GASK1B: variants seen among roughly 807,000 people sequenced by gnomAD.
GASK1B encodes golgi associated kinase 1B.
A neutral mutation model predicts 42.8 loss-of-function variants in GASK1B; 34 were observed. That is an observed-to-expected ratio of 0.79 (90% CI 0.60 to 1.06). GASK1B has a LOEUF of 1.06. Ranked by LOEUF, GASK1B falls within the 50% of genes least tolerant of loss-of-function variation. GASK1B has a pLI of 0.00. For synonymous variants in GASK1B, 262 were observed against 259.1 expected, an observed-to-expected ratio of 1.01 and a Z score of -0.11; for missense variants, 686 against 661.0, an observed-to-expected ratio of 1.04 and a Z score of -0.42.
intron 2 of GASK1B, chr4:158,170,109 T>C: frequency 1.2e-6 from 1 of 865,222 alleles, no homozygotes; most frequent in Non-Finnish European, 1.8e-6. Context: ...TATGCCTGAC[T>C]GTCAGCAAGT....
intron 3 of GASK1B, among the ~76,000 whole-genome samples, chr4:158,142,956 T>A (rs1731192345): frequency 6.6e-6 from 1 of 152,060 alleles, no homozygotes; most frequent in African/African-American, 2.4e-5. Context: ...CACCAACCAA[T>A]CACAAAGTGT....
At chr4:158,134,370 T>C (rs554026208) in intron 3 of GASK1B, among the ~76,000 whole-genome samples, 23 of 152,336 alleles carry the variant, frequency 1.5e-4, no homozygotes, top group African/African-American at 5.3e-4. Context: ...ACTGCATGAT[T>C]AAGCACTGTA....
chr4:158,167,374 T>A (rs1036023799), intron 2 of GASK1B, among the ~76,000 whole-genome samples: 1 of 152,166 alleles, frequency 6.6e-6, no homozygotes, highest in Non-Finnish European at 1.5e-5. Flanking sequence ...AACCTTTCAT[T>A]TGCATTGTAA....
chr4:158,157,643 G>T (rs1314802242), intron 2 of GASK1B, among the ~76,000 whole-genome samples: 1 of 152,020 alleles, frequency 6.6e-6, no homozygotes, highest in Admixed American at 6.6e-5. Flanking sequence ...ACAGCACTTT[G>T]CATGCTCAGG....
chr4:158,143,889 A>G (rs1272528691), intron 3 of GASK1B, among the ~76,000 whole-genome samples: 7 of 151,662 alleles, frequency 4.6e-5, no homozygotes, highest in Non-Finnish European at 4.4e-5. Flanking sequence ...GTTTAAAAAT[A>G]CAGTGTCATA....
At chr4:158,169,959 T>C (rs1732396224) in intron 2 of GASK1B, 1 of 431,016 alleles carries the variant, frequency 2.3e-6, no homozygotes, top group African/African-American at 2.0e-5. Context: ...TTAAATCCAT[T>C]GAAAAAAAAA....
chr4:158,170,374 G>C (rs764951151), intron 2 of GASK1B, 92 bp downstream of exon 2: 2 of 1,614,082 alleles, frequency 1.2e-6, no homozygotes, highest in Non-Finnish European at 1.7e-6. Context: ...CGTGGGTGGA[G>C]AAAAATCATT....
Position 158,171,212 on chromosome 4 carries a change from A to G in GASK1B, c.164T>C (p.Val55Ala). Residue 55 changes from valine to alanine, a missense_variant, in exon 2 of 5, where the codon GTG becomes GCG. By Grantham distance (64) the Val-to-Ala change is moderately conservative. Transcript: ENST00000585682. The stretch of plus-strand genomic sequence containing the variant: ...TCCATGCTGGAGAGAGGCCCTCCCC[A>G]CCTGGCTCACCAGGAAGCCCAAGTA... The part of the protein sequence containing the change: ...AIYLGFLVSQ[V>A]GRASLQHGQA... The G allele has an allele frequency of 1.2e-6, 2 of 1,613,776 alleles. No homozygotes were observed. The highest frequency in any genetic ancestry group is 1.7e-6 in the Non-Finnish European group (2 of 1,179,930).
intron 3 of GASK1B, among the ~76,000 whole-genome samples, chr4:158,151,487 G>A (rs1280529489): frequency 6.6e-6 from 1 of 152,118 alleles, no homozygotes; most frequent in African/African-American, 2.4e-5. Context: ...CTCCCAAATG[G>A]GGTAAGACTA....
At chr4:158,128,371 C>T (rs1270059486) in intron 4 of GASK1B, among the ~76,000 whole-genome samples, 1 of 152,268 alleles carries the variant, frequency 6.6e-6, no homozygotes, top group East Asian at 1.9e-4. Context: ...ATGCATTGTG[C>T]TTGCTTTTCT....
chr4:158,143,825 C>G (rs1417399126), intron 3 of GASK1B, among the ~76,000 whole-genome samples: 6 of 151,714 alleles, frequency 4.0e-5, no homozygotes, highest in Non-Finnish European at 7.4e-5. Context: ...TATTGTTTAC[C>G]TACACATGCA....
Position 158,171,223 on chromosome 4 carries a change from C to T in GASK1B, c.153G>A (p.Leu51=). 1 of 1,614,020 alleles carries T rather than the reference C, an allele frequency of 6.2e-7. No homozygotes were observed. Among genetic ancestry groups the T allele is most frequent in the Non-Finnish European group, 8.5e-7 (1 of 1,179,980 alleles). ...GAGAGGCCCTCCCCACCTGGCTCAC[C>T]AGGAAGCCCAAGTAGATGGCACACG... The part of the protein sequence containing the change: ...GTACAIYLGF[L]VSQVGRASLQ... Residue 51 remains leucine (L), a synonymous_variant, in exon 2 of 5, where the codon CTG becomes CTA. Transcript: ENST00000585682.
chr4:158,155,571 C>T (rs752763149), intron 3 of GASK1B, 40 bp downstream of exon 3: 2 of 1,538,210 alleles, frequency 1.3e-6, no homozygotes, highest in Admixed American at 1.7e-5. Context: ...TAACTCAGCG[C>T]CAGTCTTAGA....
At chr4:158,162,854 C>T (rs779882891) in intron 2 of GASK1B, among the ~76,000 whole-genome samples, 12 of 152,170 alleles carry the variant, frequency 7.9e-5, no homozygotes, top group Non-Finnish European at 8.8e-5. Context: ...AGTCATTGGA[C>T]GCTCACACAT....
intron 3 of GASK1B, among the ~76,000 whole-genome samples, chr4:158,134,769 A>G (rs1385927633): frequency 6.6e-6 from 1 of 152,054 alleles, no homozygotes; most frequent in Non-Finnish European, 1.5e-5. Flanking sequence ...TTTTGCATGT[A>G]GGAAAAAAGC....
chr4:158,158,635 A>C (rs1218222268), intron 2 of GASK1B, among the ~76,000 whole-genome samples: 1 of 152,128 alleles, frequency 6.6e-6, no homozygotes, highest in East Asian at 1.9e-4. Flanking sequence ...ATTTTATAAA[A>C]GGCAGAGAGT....
chr4:158,140,980 T>C (rs1250764673), intron 3 of GASK1B, among the ~76,000 whole-genome samples: 3 of 152,204 alleles, frequency 2.0e-5, no homozygotes, highest in African/African-American at 7.2e-5. Flanking sequence ...GCTCAACTGG[T>C]TGTCACTTAG....
rs372161311 is a variant in GASK1B at position 158,171,598 on chromosome 4, T to G, written c.-223A>C. The G allele has an allele frequency of 1.8e-5, 8 of 433,762 alleles. No homozygotes were observed. The highest frequency in any genetic ancestry group is 6.8e-5 in the East Asian group (2 of 29,458). The allele number at this position is 433,762 out of a possible 1,614,324, so 26.9% of individuals were successfully genotyped here. A position where few individuals can be genotyped will look rare whatever the true frequency, so the allele number is the denominator to read the frequency against. ...CTCCCCAAGGAGAAATGCGGCTTGT[T>G]TCTGGGAATGAATGGATACAGAGTT... is the stretch of plus-strand genomic sequence containing the variant. On this transcript the variant is annotated splice_region_variant and 5_prime_UTR_variant, in exon 2 of 5. Transcript: ENST00000585682.
Position 158,171,546 on chromosome 4 carries a change from A to T in GASK1B, c.-171T>A, listed in dbSNP as rs1260408621. On this transcript the variant is annotated 5_prime_UTR_variant, in exon 2 of 5. Transcript: ENST00000585682. ...GGTGATGAAGCTGGGAATGTTTCTGACACAACAAACCTTTTAAATTATCAG... is the reference window on the plus strand; with the variant it reads ...GGTGATGAAGCTGGGAATGTTTCTGTCACAACAAACCTTTTAAATTATCAG... The T allele has an allele frequency of 5.0e-6, 3 of 597,176 alleles. No homozygotes were observed. In the African/African-American group the frequency reaches 5.6e-5, roughly 11 times the overall value. The allele number at this position is 597,176 out of a possible 1,614,324, so 37.0% of individuals were successfully genotyped here.
Sources: gnomAD v4.1 joint callset for allele counts (sites outside exome capture counted in the v4.1 genomes callset) on GRCh38, gnomAD v4.1.1 for gene constraint, MANE v1.5 for transcripts, NCBI Gene and HGNC (gene_info 2026-07-23, HGNC 2026-07-21) for gene names.